The following KIAA0825 variants were observed in gnomAD, a reference collection of about 807,000 sequenced individuals.
KIAA0825 encodes the protein uncharacterized protein KIAA0825.
Under a neutral mutation model 147.6 loss-of-function variants are expected in KIAA0825, and 119 were observed. The observed-to-expected ratio is 0.81, with a 90% confidence interval of 0.69 to 0.94. The LOEUF (loss-of-function observed/expected upper bound fraction) is 0.94, where lower values mean the gene tolerates loss of function less well. Ranked by LOEUF, KIAA0825 falls within the 40% of genes least tolerant of loss-of-function variation. The pLI, the probability that KIAA0825 is intolerant of heterozygous loss-of-function variation, is 0.00. For missense variants in KIAA0825, 1,381 were observed against 1,472.7 expected (o/e 0.94, Z 1.02); for synonymous variants, 470 against 518.1 (o/e 0.91, Z 1.26).
intron 20 of KIAA0825, among the ~76,000 whole-genome samples, chr5:94,208,860 G>C (rs148023098): frequency 6.6e-6 from 1 of 152,112 alleles, no homozygotes; most frequent in Non-Finnish European, 1.5e-5. Flanking sequence ...AACGGGCCAG[G>C]GCTTATTCAT....
At chr5:94,298,183 G>A (rs1421478099) in intron 20 of KIAA0825, among the ~76,000 whole-genome samples, 1 of 151,964 alleles carries the variant, frequency 6.6e-6, no homozygotes, top group African/African-American at 2.4e-5. Context: ...GGGAGATGGA[G>A]GTTGCAGTGA....
Position 94,417,207 on chromosome 5 carries a change from T to C in KIAA0825, c.2656A>G (p.Ile886Val). 1 of 1,550,362 alleles carries C rather than the reference T, an allele frequency of 6.5e-7. No individual in the cohort carries two copies. The highest frequency in any genetic ancestry group is 1.4e-5 in the African/African-American group (1 of 73,130). The part of the protein sequence containing the change: ...EEQLWDFLYN[I>V]PVSTCVEYEL... ...AACAGTAAATGTCTCATACCTGGGA[T>C]GTTATATAAAAAGTCCCATAATTGC... Residue 886 changes from isoleucine (I) to valine (V), a missense_variant, in exon 15 of 21, where the codon ATC (isoleucine) becomes GTC (valine). Coordinates refer to ENST00000682413, the MANE Select transcript of KIAA0825 (RefSeq NM_001145678.3).
chr5:94,528,360 T>A (rs1769784165), intron 3 of KIAA0825, among the ~76,000 whole-genome samples: 1 of 152,330 alleles, frequency 6.6e-6, no homozygotes, highest in Non-Finnish European at 1.5e-5. Flanking sequence ...GGGTCCTCTC[T>A]TGATTTGTTG....
In KIAA0825 at chr5:94,474,178, G is replaced by C. The variant is rs546576972; in HGVS notation, c.1228-659C>G. On this transcript the variant is annotated intron_variant, in intron 7 of 20. Coordinates refer to ENST00000682413, the MANE Select transcript of KIAA0825 (RefSeq NM_001145678.3). ...GCACTGTTCTATTGTGGTGGTTGGG[G>C]GGGTACTTGGAAGGGAGTAGAAGGG... Among the ~76,000 whole-genome samples, 246 of 152,254 alleles carry C rather than the reference G, an allele frequency of 1.6e-3. 1 individual carries two copies. The highest frequency in any genetic ancestry group is 2.1e-3 in the Non-Finnish European group (142 of 68,006).
At position 94,289,431 on chromosome 5, in the gene KIAA0825, A is replaced by G. The variant is rs551492155; in HGVS notation, c.3710+94937T>C. Among the ~76,000 whole-genome samples the G allele has an allele frequency of 1.2e-4, 18 of 150,906 alleles. 1 individual carries two copies. In the South Asian group the frequency reaches 3.8e-3, roughly 32 times the overall value. On this transcript the variant is annotated intron_variant, in intron 20 of 20. Transcript: ENST00000682413. ...ACACCTGTAATCCCAGCTACTTGGG[A>G]GGCTGAGACAGGAGAATCACTTGAA...
chr5:94,284,301 T>C (rs748201296), intron 20 of KIAA0825, among the ~76,000 whole-genome samples: 1 of 152,124 alleles, frequency 6.6e-6, no homozygotes. Flanking sequence ...TGAATGTATA[T>C]GAAGTGGGTG....
chr5:94,509,381 G>A (rs1197560065), intron 5 of KIAA0825, among the ~76,000 whole-genome samples: 2 of 152,112 alleles, frequency 1.3e-5, no homozygotes, highest in African/African-American at 4.8e-5. Flanking sequence ...TAGTAGCCCT[G>A]TTGTTAGTTA....
intron 20 of KIAA0825, among the ~76,000 whole-genome samples, chr5:94,290,323 CCCTCCTTGTGT>C (rs1298429336): frequency 6.6e-6 from 1 of 152,104 alleles, no homozygotes. Context: ...TGTGATGTTC[CCCTCCTTGTGT>C]CCATGTGTTC....
intron 20 of KIAA0825, among the ~76,000 whole-genome samples, chr5:94,323,759 G>A (rs1418460927): frequency 6.6e-6 from 1 of 151,766 alleles, no homozygotes; most frequent in Non-Finnish European, 1.5e-5. Flanking sequence ...AAGAAAATAA[G>A]ATATTTTGTT....
intron 20 of KIAA0825, among the ~76,000 whole-genome samples, chr5:94,185,118 A>G (rs1299247971): frequency 6.6e-6 from 1 of 152,140 alleles, no homozygotes; most frequent in Non-Finnish European, 1.5e-5. Flanking sequence ...GGCAGCCCCA[A>G]TGCACCAGTT....
intron 20 of KIAA0825, among the ~76,000 whole-genome samples, chr5:94,250,671 T>G (rs1441476149): frequency 6.6e-6 from 1 of 152,122 alleles, no homozygotes; most frequent in Non-Finnish European, 1.5e-5. Context: ...CCCCTAAGAC[T>G]TGACTTTGCT....
At chr5:94,345,700 GA>G (rs1782902003) in intron 20 of KIAA0825, among the ~76,000 whole-genome samples, 1 of 152,000 alleles carries the variant, frequency 6.6e-6, no homozygotes, top group South Asian at 2.1e-4. Flanking sequence ...AATTTCTTCA[GA>G]TTTTTTTAAT....
intron 5 of KIAA0825, among the ~76,000 whole-genome samples, chr5:94,517,734 AT>A (rs1429597265): frequency 6.6e-5 from 10 of 151,302 alleles, no homozygotes; most frequent in African/African-American, 2.4e-4. Flanking sequence ...AATTAAATTT[AT>A]TTTAAATTAT....
At chr5:94,602,550 A>G (rs1364620945) in intron 1 of KIAA0825, among the ~76,000 whole-genome samples, 2 of 152,116 alleles carry the variant, frequency 1.3e-5, no homozygotes, top group Non-Finnish European at 2.9e-5. Flanking sequence ...AAGTAATTGA[A>G]TCAAGGGAGT....
chr5:94,377,927 C>G (rs2150493778), intron 20 of KIAA0825, among the ~76,000 whole-genome samples: 1 of 152,290 alleles, frequency 6.6e-6, no homozygotes, highest in Non-Finnish European at 1.5e-5. Context: ...TTAACAAACA[C>G]AAACTCTGTC....
Position 94,304,415 on chromosome 5 carries a change from G to T in KIAA0825, c.3710+79953C>A, listed in dbSNP as rs980223097. Among the ~76,000 whole-genome samples, 4 of 152,154 alleles carry T rather than the reference G, an allele frequency of 2.6e-5. No individual in the cohort carries two copies. The South Asian group carries it at 8.3e-4, about 32-fold the overall frequency. On this transcript the variant is annotated intron_variant, in intron 20 of 20. Coordinates refer to ENST00000682413, the MANE Select transcript of KIAA0825 (RefSeq NM_001145678.3). ...AGAGGGAATAATACGGCAGGTGAGG[G>T]GGGGTGACCCGTATCAACTAGAGAA...
intron 20 of KIAA0825, among the ~76,000 whole-genome samples, chr5:94,315,937 G>A (rs1330061770): frequency 2.6e-5 from 4 of 151,694 alleles, no homozygotes; most frequent in Non-Finnish European, 5.9e-5. Context: ...GATATTAACT[G>A]GCAAGGGTGC....
intron 20 of KIAA0825, among the ~76,000 whole-genome samples, chr5:94,190,240 T>C (rs918360933): frequency 6.6e-6 from 1 of 152,206 alleles, no homozygotes; most frequent in East Asian, 1.9e-4. Context: ...TCTTTACTTC[T>C]CCCTTTCTTA....
At chr5:94,573,614 T>C (rs960491665) in intron 2 of KIAA0825, among the ~76,000 whole-genome samples, 1 of 152,150 alleles carries the variant, frequency 6.6e-6, no homozygotes, top group Non-Finnish European at 1.5e-5. Flanking sequence ...AGTCAACAGA[T>C]GACAAATGTT....
Sources: gnomAD v4.1 joint callset for allele counts (sites outside exome capture counted in the v4.1 genomes callset) on GRCh38, gnomAD v4.1.1 for gene constraint, MANE v1.5 for transcripts, NCBI Gene and HGNC (gene_info 2026-07-23, HGNC 2026-07-21) for gene names.